THSD7B: variants seen among roughly 807,000 people sequenced by gnomAD.
THSD7B encodes thrombospondin type 1 domain containing 7B, also known as thrombospondin type-1 domain-containing protein 7B.
In THSD7B, 138 loss-of-function variants were observed where a neutral mutation model predicts 213.6. That is an observed-to-expected ratio of 0.65 (90% CI 0.56 to 0.74). The LOEUF (loss-of-function observed/expected upper bound fraction) is 0.74. Ranked by LOEUF, THSD7B falls within the 30% of genes least tolerant of loss-of-function variation. The probability of loss-of-function intolerance (pLI) is 0.00; values close to 1 mark genes in which losing one functional copy is unlikely to be tolerated. For synonymous variants in THSD7B, 742 were observed against 687.0 expected (o/e 1.08, Z -1.25); for missense variants, 1,931 against 1,991.5 (o/e 0.97, Z 0.58).
At chr2:137,115,398 C>G in intron 5 of THSD7B, 105 bp downstream of exon 5, 1 of 1,217,526 alleles carries the variant, frequency 8.2e-7, no homozygotes, top group Non-Finnish European at 1.1e-6. Flanking sequence ...AGCATTCACA[C>G]ATTTAATATT....
chr2:137,062,701 T>C (rs1031220786), intron 3 of THSD7B, among the ~76,000 whole-genome samples: 1 of 151,860 alleles, frequency 6.6e-6, no homozygotes, highest in Non-Finnish European at 1.5e-5. Context: ...TTTAGATTTG[T>C]TAAGGTGTGT....
At chr2:137,152,933 G>T (rs1679846216) in intron 5 of THSD7B, among the ~76,000 whole-genome samples, 1 of 152,036 alleles carries the variant, frequency 6.6e-6, no homozygotes, top group South Asian at 2.1e-4. Context: ...TTTCTCTTCT[G>T]TGTCATCAAT....
At chr2:136,814,454 A>G (rs898638489) in intron 1 of THSD7B, among the ~76,000 whole-genome samples, 1 of 151,930 alleles carries the variant, frequency 6.6e-6, no homozygotes. Flanking sequence ...GCTCGAGTGC[A>G]GTGGCATGAT....
intron 4 of THSD7B, among the ~76,000 whole-genome samples, chr2:137,106,854 C>A (rs1688263255): frequency 6.6e-6 from 1 of 152,112 alleles, no homozygotes; most frequent in South Asian, 2.1e-4. Context: ...CCATCTCATA[C>A]CAGTTAGAAT....
At chr2:137,531,038 G>A (rs1680387795) in intron 15 of THSD7B, among the ~76,000 whole-genome samples, 1 of 151,972 alleles carries the variant, frequency 6.6e-6, no homozygotes, top group South Asian at 2.1e-4. Flanking sequence ...ACATCTTTCT[G>A]TTGTTAAATG....
At chr2:136,854,669 G>C (rs1327822377) in intron 1 of THSD7B, among the ~76,000 whole-genome samples, 1 of 151,194 alleles carries the variant, frequency 6.6e-6, no homozygotes, top group Non-Finnish European at 1.5e-5. Flanking sequence ...CGGAAAGTGT[G>C]AAAGGAAAGG....
chr2:137,269,177 G>A (rs763957756), intron 10 of THSD7B, among the ~76,000 whole-genome samples: 1 of 152,116 alleles, frequency 6.6e-6, no homozygotes, highest in Non-Finnish European at 1.5e-5. Context: ...CTTCGTTTAT[G>A]CAGTGTGGAT....
intron 14 of THSD7B, among the ~76,000 whole-genome samples, chr2:137,417,408 G>A (rs1012087349): frequency 2.0e-5 from 3 of 151,684 alleles, no homozygotes; most frequent in Admixed American, 6.6e-5. Context: ...CTAATTCCAG[G>A]TCTAGGTTCA....
intron 17 of THSD7B, among the ~76,000 whole-genome samples, chr2:137,606,209 G>A (rs571867390): frequency 1.1e-3 from 162 of 152,248 alleles, no homozygotes; most frequent in African/African-American, 3.8e-3. Flanking sequence ...AAGTGGCGTA[G>A]GAGAGTGATG....
intron 1 of THSD7B, among the ~76,000 whole-genome samples, chr2:136,807,769 G>A (rs1000228761): frequency 6.6e-6 from 1 of 152,082 alleles, no homozygotes; most frequent in East Asian, 1.9e-4. Context: ...GCCTCTCAAA[G>A]TGCTGGGATT....
chr2:137,643,668 T>TATCTCC (rs1195944149), intron 21 of THSD7B, among the ~76,000 whole-genome samples: 2 of 152,198 alleles, frequency 1.3e-5, no homozygotes, highest in Non-Finnish European at 1.5e-5. Flanking sequence ...ATTGAAGGAA[T>TATCTCC]ATTGCTCCTT....
At chr2:137,555,083 G>A (rs1680928894) in intron 15 of THSD7B, among the ~76,000 whole-genome samples, 3 of 152,200 alleles carry the variant, frequency 2.0e-5, no homozygotes, top group Non-Finnish European at 2.9e-5. Flanking sequence ...AGTTCAAGGA[G>A]GCCTGCCTGC....
intron 17 of THSD7B, among the ~76,000 whole-genome samples, chr2:137,582,507 AG>A (rs1681604448): frequency 1.1e-5 from 1 of 92,712 alleles, no homozygotes; most frequent in African/African-American, 4.3e-5. Flanking sequence ...ACCCCAAGAC[AG>A]GCCCTGGTAT....
chr2:137,539,523 A>C (rs1187668892), intron 15 of THSD7B, among the ~76,000 whole-genome samples: 1 of 151,766 alleles, frequency 6.6e-6, no homozygotes, highest in East Asian at 1.9e-4. Context: ...ATGGTGTATA[A>C]GTAAAGTCAT....
rs1355747385 is a variant in THSD7B, at chr2:137,467,124, GA to G, written c.3138+16102del. Among the ~76,000 whole-genome samples, 5 of 152,268 alleles carry G rather than the reference GA, an allele frequency of 3.3e-5. No individual in the cohort carries two copies. The East Asian group carries it at 7.7e-4, about 24-fold the overall frequency. On this transcript the variant is annotated intron_variant, in intron 15 of 27. Coordinates refer to ENST00000409968, the MANE Select transcript of THSD7B (RefSeq NM_001316349.2). ...TACTCATTGGAAGAAGTCCTGGGAA[GA>G]GCTTGATTTGCTCAGACAAGTGGTT...
intron 2 of THSD7B, among the ~76,000 whole-genome samples, chr2:137,034,471 GTT>G (rs1193918058): frequency 6.6e-6 from 1 of 152,032 alleles, no homozygotes. Flanking sequence ...GAACATGCAG[GTT>G]TTTTACATAG....
chr2:137,223,337 G>C (rs2105046588), intron 7 of THSD7B, among the ~76,000 whole-genome samples: 1 of 152,282 alleles, frequency 6.6e-6, no homozygotes, highest in East Asian at 1.9e-4. Flanking sequence ...AGCTCAGTTG[G>C]AGAACCAGCA....
chr2:137,267,707 T>C (rs184356462), intron 10 of THSD7B, among the ~76,000 whole-genome samples: 7 of 152,294 alleles, frequency 4.6e-5, no homozygotes, highest in African/African-American at 1.4e-4. Flanking sequence ...TAAGAAGTTA[T>C]AATAATAAAA....
At chr2:137,297,354 T>C (rs1277466284) in intron 12 of THSD7B, among the ~76,000 whole-genome samples, 1 of 151,440 alleles carries the variant, frequency 6.6e-6, no homozygotes, top group East Asian at 1.9e-4. Flanking sequence ...CTTCCTCTTT[T>C]TTTTTTTCTT....
Sources: allele counts gnomAD v4.1 joint callset (sites outside exome capture counted in the v4.1 genomes callset), GRCh38; gene constraint gnomAD v4.1.1; transcripts MANE v1.5; gene names NCBI Gene and HGNC (gene_info 2026-07-23, HGNC 2026-07-21).